The following LRRC51 variants were observed in gnomAD, a reference collection of about 807,000 sequenced individuals.
LRRC51 encodes leucine-rich repeat-containing protein 51.
Under a neutral mutation model 17.8 loss-of-function variants are expected in LRRC51, and 8 were observed. The ratio of observed to expected loss-of-function variants is 0.45; its 90% confidence interval spans 0.26 to 0.81. The LOEUF (loss-of-function observed/expected upper bound fraction) is 0.81. Among genes scored for constraint, LRRC51 ranks in the 30% least tolerant of loss-of-function variants. The pLI is 0.17. For synonymous variants in LRRC51, 92 were observed against 96.0 expected (o/e 0.96, Z 0.24); for missense variants, 233 against 239.3 (o/e 0.97, Z 0.17).
chr11:72,086,893 C>T (rs610004), intron 1 of LRRC51, among the ~76,000 whole-genome samples: 134,920 of 152,272 alleles, frequency 0.89, 60,059 homozygotes, highest in Non-Finnish European at 0.95. Context: ...ATCAAATCTG[C>T]TGTAGGTGCT....
At position 72,088,381 on chromosome 11, in the gene LRRC51, G is replaced by T. The variant is rs1276828398; in HGVS notation, c.-56+1G>T. On this transcript the variant is annotated splice_donor_variant, in intron 2 of 5. Coordinates refer to ENST00000289488, the MANE Select transcript of LRRC51 (RefSeq NM_145309.6). LOFTEE classifies it low-confidence loss of function (5UTR_SPLICE). ...GTGGAGTTTCAGCCATCAGTGACAG[G>T]TGAGTGAGAGGTAGACTCTGGTTTT... 5.7e-6 allele frequency: 4 copies of T among 702,488 alleles called. No homozygotes were observed. In the Admixed American group the frequency reaches 6.0e-5, roughly 11 times the overall value. 43.5% of individuals were successfully genotyped at this position (702,488 alleles called of 1,614,324 possible). A position where few individuals can be genotyped will look rare whatever the true frequency, so the allele number is the denominator to read the frequency against.
rs1275758644 is a variant in LRRC51 at position 72,096,550 on chromosome 11, T to C, written c.*1030T>C. The C allele has an allele frequency of 8.1e-6, 11 of 1,362,988 alleles. No homozygotes were observed. Among genetic ancestry groups the C allele is most frequent in the East Asian group, 2.9e-5 (1 of 34,712 alleles). 84.4% of individuals were successfully genotyped at this position (1,362,988 alleles called of 1,614,324 possible). A position where few individuals can be genotyped will look rare whatever the true frequency, so the allele number is the denominator to read the frequency against. Reference sequence around the variant, plus strand: ...CTGCACCTGGCCAGCTCTAGTCTTATTTTGCTGAAAAAGGGAGGCAATTGA... The same window carrying C: ...CTGCACCTGGCCAGCTCTAGTCTTACTTTGCTGAAAAAGGGAGGCAATTGA... On this transcript the variant is annotated 3_prime_UTR_variant, in exon 6 of 6. Coordinates refer to ENST00000289488, the MANE Select transcript of LRRC51 (RefSeq NM_145309.6).
intron 3 of LRRC51, among the ~76,000 whole-genome samples, chr11:72,090,550 C>T (rs1213332044): frequency 6.6e-6 from 1 of 152,124 alleles, no homozygotes; most frequent in Non-Finnish European, 1.5e-5. Flanking sequence ...GTATGTGAGG[C>T]ACATCAAAGG....
intron 1 of LRRC51, chr11:72,083,712 G>A (rs1944371530): frequency 6.6e-6 from 1 of 152,156 alleles, no homozygotes; most frequent in Admixed American, 6.5e-5. Flanking sequence ...TCTCAGAAAA[G>A]TTGAAACCTG....
At chr11:72,094,203 T>C (rs1274114332) in intron 4 of LRRC51, among the ~76,000 whole-genome samples, 1 of 151,744 alleles carries the variant, frequency 6.6e-6, no homozygotes, top group Non-Finnish European at 1.5e-5. Context: ...GGAGAATCAC[T>C]TGAACCCAGG....
intron 1 of LRRC51, among the ~76,000 whole-genome samples, chr11:72,086,771 T>A (rs1944555906): frequency 6.6e-6 from 1 of 152,052 alleles, no homozygotes; most frequent in African/African-American, 2.4e-5. Context: ...AAACTAACAG[T>A]AAAAATCTGC....
chr11:72,086,531 T>C (rs961532963), intron 1 of LRRC51: 1 of 696,894 alleles, frequency 1.4e-6, no homozygotes, highest in African/African-American at 1.7e-5. Context: ...CATTCATTCA[T>C]CCCACAAACA....
Position 72,089,054 on chromosome 11 carries a change from T to G in LRRC51, c.-30T>G. The G allele has an allele frequency of 6.2e-7, 1 of 1,612,916 alleles. No individual in the cohort carries two copies. Among genetic ancestry groups the G allele is most frequent in the South Asian group, 1.1e-5 (1 of 91,020 alleles). ...GCTGAACCCAGACTCCCAGGGCACC[T>G]GCTTGCACCTTTGAATGATGGCCTG... On this transcript the variant is annotated 5_prime_UTR_variant, in exon 3 of 6. Coordinates refer to ENST00000289488, the MANE Select transcript of LRRC51 (RefSeq NM_145309.6).
intron 1 of LRRC51, chr11:72,086,168 GA>G (rs1249114311): frequency 1.8e-5 from 9 of 502,118 alleles, no homozygotes; most frequent in African/African-American, 1.6e-4. Context: ...ATCTGGAAAA[GA>G]AAGGCTTTAT....
At chr11:72,089,644 C>A (rs1944744887) in intron 3 of LRRC51, 1 of 1,139,058 alleles carries the variant, frequency 8.8e-7, no homozygotes. Context: ...CCTAATCTGA[C>A]TGGCCAAACA....
chr11:72,096,720 C>CA lies in LRRC51; in HGVS notation c.*1201dup. Reference sequence around the variant, plus strand: ...AGATCAGTAATTTCCAAACTCTTCACAGAGTACCAGGGTCTGTAGAGATGC... The same window carrying CA: ...AGATCAGTAATTTCCAAACTCTTCACAAGAGTACCAGGGTCTGTAGAGATGC... On this transcript the variant is annotated 3_prime_UTR_variant, in exon 6 of 6. Transcript: ENST00000289488. 2 of 1,548,534 alleles carry CA rather than the reference C, an allele frequency of 1.3e-6. No homozygotes were observed. The highest frequency in any genetic ancestry group is 1.7e-6 in the Non-Finnish European group (2 of 1,145,356).
intron 1 of LRRC51, among the ~76,000 whole-genome samples, chr11:72,086,743 TGG>T (rs1944553297): frequency 2.5e-4 from 5 of 20,192 alleles, no homozygotes; most frequent in Non-Finnish European, 1.0e-3. Flanking sequence ...GGAACTGCAC[TGG>T]GTTGCTCTGT....
Position 72,095,379 on chromosome 11 carries a change from G to A in LRRC51, c.438G>A (p.Arg146=), listed in dbSNP as rs1365071569. ...CCCCCAGCCTAAGTCTTCCCCACAG[G>A]CAATATGTGCTGTGCACCCTGTCCC... ...GNPMEEEKGY[R]QYVLCTLSRI... Residue 146 remains arginine (R), a splice_region_variant and synonymous_variant, in exon 6 of 6, where the codon AGG becomes AGA. Coordinates refer to ENST00000289488, the MANE Select transcript of LRRC51 (RefSeq NM_145309.6). 1.9e-6 allele frequency: 3 copies of A among 1,614,014 alleles called. No individual in the cohort carries two copies. Among genetic ancestry groups the A allele is most frequent in the South Asian group, 1.1e-5 (1 of 91,070 alleles).
chr11:72,096,568 G>A lies in LRRC51; in HGVS notation c.*1048G>A. The A allele has an allele frequency of 1.5e-6, 2 of 1,371,922 alleles. No individual in the cohort carries two copies. Among genetic ancestry groups the A allele is most frequent in the Non-Finnish European group, 1.9e-6 (2 of 1,061,224 alleles). 85.0% of individuals were successfully genotyped at this position (1,371,922 alleles called of 1,614,324 possible). ...AGTCTTATTTTGCTGAAAAAGGGAG[G>A]CAATTGAGGGAAAGGCCTGCTGGCC... On this transcript the variant is annotated 3_prime_UTR_variant, in exon 6 of 6. Coordinates refer to ENST00000289488, the MANE Select transcript of LRRC51 (RefSeq NM_145309.6).
At chr11:72,094,665 C>T (rs997671567) in intron 4 of LRRC51, 2 of 702,652 alleles carry the variant, frequency 2.8e-6, no homozygotes, top group South Asian at 1.5e-5. Context: ...GAAAGGTCTT[C>T]AGTGAAGGGG....
chr11:72,089,287 T>C (rs1337444415), intron 3 of LRRC51, 122 bp downstream of exon 3: 2 of 1,541,096 alleles, frequency 1.3e-6, no homozygotes, highest in African/African-American at 2.7e-5. Flanking sequence ...GCAGATGTGT[T>C]GTTACTGTCT....
intron 1 of LRRC51, among the ~76,000 whole-genome samples, chr11:72,082,868 T>C (rs905796653): frequency 2.0e-5 from 3 of 152,028 alleles, no homozygotes; most frequent in African/African-American, 7.2e-5. Context: ...CCCCCAATTT[T>C]TTTTTTTTCT....
intron 5 of LRRC51, 118 bp downstream of exon 5, chr11:72,095,214 C>A: frequency 6.4e-7 from 1 of 1,559,760 alleles, no homozygotes; most frequent in Non-Finnish European, 8.7e-7. Context: ...AAGGGAGTAA[C>A]AGACCTCTAA....
rs1031837498 is a variant in LRRC51 at position 72,096,585 on chromosome 11, C to T, written c.*1065C>T. The T allele has an allele frequency of 1.2e-5, 17 of 1,415,316 alleles. No homozygotes were observed. Among genetic ancestry groups the T allele is most frequent in the Non-Finnish European group, 1.6e-5 (17 of 1,082,558 alleles). 87.7% of individuals were successfully genotyped at this position (1,415,316 alleles called of 1,614,324 possible). On this transcript the variant is annotated 3_prime_UTR_variant, in exon 6 of 6. Coordinates refer to ENST00000289488, the MANE Select transcript of LRRC51 (RefSeq NM_145309.6). Reference sequence around the variant, plus strand: ...AAAGGGAGGCAATTGAGGGAAAGGCCTGCTGGCCTGGGACACTGGAGACGT... The same window carrying T: ...AAAGGGAGGCAATTGAGGGAAAGGCTTGCTGGCCTGGGACACTGGAGACGT...
Sources: gnomAD v4.1 joint callset for allele counts (sites outside exome capture counted in the v4.1 genomes callset) on GRCh38, gnomAD v4.1.1 for gene constraint, MANE v1.5 for transcripts, NCBI Gene and HGNC (gene_info 2026-07-23, HGNC 2026-07-21) for gene names.